The following PCLO variants were observed in gnomAD, a reference collection of about 807,000 sequenced individuals.
PCLO encodes the protein piccolo presynaptic cytomatrix protein.
Under a neutral mutation model 427.5 loss-of-function variants are expected in PCLO, and 82 were observed. That is an observed-to-expected ratio of 0.19 (90% CI 0.16 to 0.23). The LOEUF is 0.23. PCLO is among the 10% of genes least tolerant of loss of function. PCLO has a pLI of 1.00. For synonymous variants in PCLO, 2,357 were observed against 2,155.4 expected (o/e 1.09, Z -2.59); for missense variants, 6,239 against 6,115.9 (o/e 1.02, Z -0.67).
intron 3 of PCLO, among the ~76,000 whole-genome samples, chr7:83,050,745 A>AT (rs1343924587): frequency 4.2e-5 from 4 of 95,520 alleles, no homozygotes; most frequent in Non-Finnish European, 4.1e-5. Flanking sequence ...TCTACTAAAA[A>AT]TTAAAAAAAA....
chr7:82,940,345 G>A (rs1795052520), intron 6 of PCLO, among the ~76,000 whole-genome samples: 1 of 152,046 alleles, frequency 6.6e-6, no homozygotes, highest in South Asian at 2.1e-4. Flanking sequence ...CATGTCGAAA[G>A]GAAAAATTAA....
At chr7:82,849,564 C>T (rs1417664671) in intron 10 of PCLO, among the ~76,000 whole-genome samples, 1 of 152,034 alleles carries the variant, frequency 6.6e-6, no homozygotes, top group East Asian at 1.9e-4. Flanking sequence ...ATTCTATGAG[C>T]CATATTAAAA....
chr7:83,015,384 G>C (rs924027283), intron 3 of PCLO, among the ~76,000 whole-genome samples: 75 of 151,788 alleles, frequency 4.9e-4, no homozygotes, highest in Middle Eastern at 3.4e-3. Context: ...GAGTGGGAGG[G>C]AATCTGACCA....
intron 3 of PCLO, among the ~76,000 whole-genome samples, chr7:82,978,529 T>C (rs1338356587): frequency 6.6e-6 from 1 of 152,106 alleles, no homozygotes; most frequent in Non-Finnish European, 1.5e-5. Flanking sequence ...CTAAGTGCTA[T>C]ATATAATTTT....
chr7:82,914,702 G>A lies in PCLO; in HGVS notation c.13284C>T (p.Ala4428=), dbSNP rs1280709098. ...IAFIMDDFQH[A]MSDSEAYHLR... ...CCAATTTACCTTCACTGTCTGACAT[G>A]GCATGTTGGAAGTCATCCATGATGA... The change falls in exon 7 of 25, where the codon GCC becomes GCT. Residue 4428 remains alanine (A), a synonymous_variant. Transcript: ENST00000333891. 9 of 1,613,040 alleles carry A rather than the reference G, an allele frequency of 5.6e-6. No individual in the cohort carries two copies. Among genetic ancestry groups the A allele is most frequent in the Non-Finnish European group, 7.6e-6 (9 of 1,179,562 alleles).
At chr7:82,870,446 C>T (rs902377692) in intron 10 of PCLO, among the ~76,000 whole-genome samples, 1 of 151,826 alleles carries the variant, frequency 6.6e-6, no homozygotes, top group Non-Finnish European at 1.5e-5. Flanking sequence ...TCTAAATGAA[C>T]TAAAGACTTA....
chr7:82,785,398 T>A (rs1790964377), intron 22 of PCLO, among the ~76,000 whole-genome samples: 1 of 152,162 alleles, frequency 6.6e-6, no homozygotes, highest in Non-Finnish European at 1.5e-5. Flanking sequence ...TGTGGCCTGG[T>A]TTCTAACAGG....
chr7:83,046,093 A>G (rs1789097847), intron 3 of PCLO, among the ~76,000 whole-genome samples: 1 of 151,948 alleles, frequency 6.6e-6, no homozygotes, highest in African/African-American at 2.4e-5. Context: ...TTGTACCCTA[A>G]TCTCCTCTTG....
intron 3 of PCLO, among the ~76,000 whole-genome samples, chr7:83,125,052 A>C (rs183024360): frequency 1.3e-5 from 2 of 152,136 alleles, no homozygotes; most frequent in East Asian, 3.9e-4. Context: ...TCGCTTACTC[A>C]GTGCTCAATG....
intron 3 of PCLO, among the ~76,000 whole-genome samples, chr7:83,104,289 C>T (rs943554603): frequency 1.3e-4 from 20 of 151,990 alleles, no homozygotes; most frequent in Non-Finnish European, 2.8e-4. Flanking sequence ...TTAAATCATA[C>T]TTGATTATGC....
chr7:83,129,328 GCA>G (rs1322960307), intron 3 of PCLO, among the ~76,000 whole-genome samples: 3 of 151,636 alleles, frequency 2.0e-5, no homozygotes, highest in South Asian at 2.1e-4. Flanking sequence ...TTCAAACATC[GCA>G]CAGTTTTTTT....
intron 3 of PCLO, among the ~76,000 whole-genome samples, chr7:83,021,889 T>A (rs1277714218): frequency 3.3e-5 from 5 of 152,120 alleles, no homozygotes; most frequent in Admixed American, 1.3e-4. Flanking sequence ...GGAATTGTAG[T>A]GTGTGTGGTA....
At chr7:83,030,515 TTGTGTC>T (rs1426544241) in intron 3 of PCLO, among the ~76,000 whole-genome samples, 2 of 152,300 alleles carry the variant, frequency 1.3e-5, no homozygotes, top group African/African-American at 4.8e-5. Flanking sequence ...TGTAGCCCTT[TTGTGTC>T]TGTTCAATTT....
chr7:83,100,661 G>C (rs113984640), intron 3 of PCLO, among the ~76,000 whole-genome samples: 13,044 of 152,128 alleles, frequency 0.086, 1,130 homozygotes, highest in African/African-American at 0.23. Context: ...TTGGAGGATG[G>C]AGGGTGAGAG....
intron 3 of PCLO, among the ~76,000 whole-genome samples, chr7:83,077,712 G>A (rs1789992575): frequency 2.0e-5 from 3 of 152,056 alleles, no homozygotes; most frequent in Non-Finnish European, 4.4e-5. Flanking sequence ...TCTGACTTGA[G>A]TAGTTTCCAG....
intron 10 of PCLO, among the ~76,000 whole-genome samples, chr7:82,871,500 T>C (rs148957676): frequency 1.2e-3 from 178 of 151,928 alleles, no homozygotes; most frequent in African/African-American, 3.6e-3. Context: ...ATGAGACAAA[T>C]GTACAGTTAG....
At chr7:82,978,830 C>T (rs1796080572) in intron 3 of PCLO, among the ~76,000 whole-genome samples, 1 of 135,124 alleles carries the variant, frequency 7.4e-6, no homozygotes, top group Admixed American at 8.0e-5. Flanking sequence ...GCTCCAGGAA[C>T]AAGAAACACA....
chr7:83,134,500 G>C lies in PCLO; in HGVS notation c.3050C>G (p.Thr1017Arg). Residue 1017 changes from threonine (T) to arginine (R), a missense_variant, in exon 3 of 25, where the codon ACA becomes AGA. This residue lies in a region of PCLO where 4,677 missense variants were observed against 4,468.4 expected (regional missense o/e 1.05). Transcript: ENST00000333891. ...TTTTTCTGTTTCTGTTCTTTTTACT[G>C]TTGGAGCTTGTTCAGCTTTGGGCTC... ...KLEPKAEQAP[T>R]VKRTETEKKP... The C allele has an allele frequency of 6.2e-7, 1 of 1,613,802 alleles. No homozygotes were observed. Among genetic ancestry groups the C allele is most frequent in the Non-Finnish European group, 8.5e-7 (1 of 1,179,858 alleles).
chr7:83,051,076 G>T (rs1393867407), intron 3 of PCLO, among the ~76,000 whole-genome samples: 1 of 152,056 alleles, frequency 6.6e-6, no homozygotes, highest in Admixed American at 6.6e-5. Context: ...ACTTGATAAA[G>T]AACTTCTACA....
Sources: allele counts gnomAD v4.1 joint callset (sites outside exome capture counted in the v4.1 genomes callset), GRCh38; gene constraint gnomAD v4.1.1; regional missense constraint gnomAD v4.1.1; transcripts MANE v1.5; gene names NCBI Gene and HGNC (gene_info 2026-07-23, HGNC 2026-07-21).